TTYH1: variants seen among roughly 807,000 people sequenced by gnomAD.
The protein encoded by TTYH1 is tweety family member 1, also known as protein tweety homolog 1.
In TTYH1, 33 loss-of-function variants were observed where a neutral mutation model predicts 61.2. The observed-to-expected ratio is 0.54, with a 90% CI of 0.41 to 0.72. The LOEUF (loss-of-function observed/expected upper bound fraction) is 0.72. TTYH1 is among the 30% of genes least tolerant of loss of function. The pLI, the probability that TTYH1 is intolerant of heterozygous loss-of-function variation, is 0.00. For missense variants in TTYH1, 538 were observed against 575.8 expected, an observed-to-expected ratio of 0.93 and a Z score of 0.67; for synonymous variants, 308 against 266.4, an observed-to-expected ratio of 1.16 and a Z score of -1.52.
In TTYH1 at chr19:54,429,334, C is replaced by T. The variant is rs370239921; in HGVS notation, c.762C>T (p.Leu254=). 21 of 1,613,992 alleles carry T rather than the reference C, an allele frequency of 1.3e-5. No individual in the cohort carries two copies. The highest frequency in any genetic ancestry group is 2.2e-5 in the South Asian group (2 of 91,092). ...IVMTVMSLLV[L]VLSWGSMGLE... is the part of the protein sequence containing the mutation. ...TGACAGTCATGAGTCTCCTGGTTCT[C>T]GTCCTGAGCTGGGGCTCCATGGGCC... The change falls in exon 6 of 14, where the codon CTC becomes CTT. Residue 254 remains leucine (L), a synonymous_variant. Coordinates refer to ENST00000376530, the MANE Select transcript of TTYH1 (RefSeq NM_020659.4). The surrounding 1 kb of genome is among the most constrained non-coding windows in gnomAD (Gnocchi z 5.1).
chr19:54,431,576 G>A (rs1226026168), intron 10 of TTYH1: 3 of 261,364 alleles, frequency 1.1e-5, no homozygotes, highest in Admixed American at 5.0e-5. Context: ...AGACTGCCTG[G>A]GTTCCAGTCC....
At chr19:54,425,062 G>A (rs575573833) in intron 4 of TTYH1, among the ~76,000 whole-genome samples, 3 of 152,366 alleles carry the variant, frequency 2.0e-5, no homozygotes, top group South Asian at 2.1e-4. Context: ...GGTCACGGAA[G>A]AGAACCGTGG....
In TTYH1 at chr19:54,422,258, C is replaced by T. The variant is rs748608036; in HGVS notation, c.486C>T (p.Leu162=). 5.7e-6 allele frequency: 9 copies of T among 1,565,266 alleles called. No homozygotes were observed. Among genetic ancestry groups the T allele is most frequent in the East Asian group, 2.3e-5 (1 of 43,050 alleles). Residue 162 remains leucine, a synonymous_variant, in exon 4 of 14, where the codon CTC becomes CTT. Transcript: ENST00000376530. Reference sequence around the variant, plus strand: ...AGCTGACCACCCTGGAGGAGGTGCTCGAGCCGCGCACGGAGCTGGTGGCTG... The same window carrying T: ...AGCTGACCACCCTGGAGGAGGTGCTTGAGCCGCGCACGGAGCTGGTGGCTG... ...RTELTTLEEV[L]EPRTELVAAA... is the part of the protein sequence containing the mutation.
intron 4 of TTYH1, among the ~76,000 whole-genome samples, chr19:54,425,248 C>T (rs1476226321): frequency 6.6e-6 from 1 of 152,068 alleles, no homozygotes; most frequent in African/African-American, 2.4e-5. Context: ...TCTGCGACGG[C>T]GGCAAACAGC....
In TTYH1 at chr19:54,415,490, C is replaced by T. The variant is rs1161147249; in HGVS notation, c.-63C>T. The T allele has an allele frequency of 3.8e-6, 5 of 1,305,870 alleles. No individual in the cohort carries two copies. In the East Asian group the frequency reaches 1.6e-4, roughly 43 times the overall value. The allele number at this position is 1,305,870 out of a possible 1,614,324, so 80.9% of individuals were successfully genotyped here. ...GCCAGACCCCGCGCCGCCCGCGCCCCGCTCGACTCCGGAGGCTCCCGCAGC... is the reference window on the plus strand; with the variant it reads ...GCCAGACCCCGCGCCGCCCGCGCCCTGCTCGACTCCGGAGGCTCCCGCAGC... On this transcript the variant is annotated 5_prime_UTR_variant, in exon 1 of 14. Coordinates refer to ENST00000376530, the MANE Select transcript of TTYH1 (RefSeq NM_020659.4). The surrounding 1 kb of genome is among the most constrained non-coding windows in gnomAD (Gnocchi z 5.2).
Position 54,421,114 on chromosome 19 carries a change from G to C in TTYH1, c.306-163G>C, listed in dbSNP as rs903425594. On this transcript the variant is annotated intron_variant, in intron 2 of 13. Transcript: ENST00000376530. The surrounding 1 kb of genome is among the most constrained non-coding windows in gnomAD (Gnocchi z 4.8). ...CCCGTTCCCTTGGCAACCGACGGGG[G>C]CCAGGCTGAAGTCGCCCTTTTCCCA... is the stretch of plus-strand genomic sequence containing the variant. Among the ~76,000 whole-genome samples the C allele has an allele frequency of 6.6e-6, 1 of 152,034 alleles. No individual in the cohort carries two copies. Among genetic ancestry groups the C allele is most frequent in the Non-Finnish European group, 1.5e-5 (1 of 67,988 alleles).
rs914757448 is a variant in TTYH1, at chr19:54,436,372, C to A, written c.*82C>A. 16 of 1,614,070 alleles carry A rather than the reference C, an allele frequency of 9.9e-6. No homozygotes were observed. In the East Asian group the frequency reaches 3.1e-4, roughly 31 times the overall value. On this transcript the variant is annotated 3_prime_UTR_variant, in exon 14 of 14. Coordinates refer to ENST00000376530, the MANE Select transcript of TTYH1 (RefSeq NM_020659.4). The surrounding 1 kb of genome is among the most constrained non-coding windows in gnomAD (Gnocchi z 4.3). Reference sequence around the variant, plus strand: ...GCCGGAGGAGACCCCACTAACCCAGCCTGCCTGGGCTCTGACCACTAACAC... The same window carrying A: ...GCCGGAGGAGACCCCACTAACCCAGACTGCCTGGGCTCTGACCACTAACAC...
intron 4 of TTYH1, among the ~76,000 whole-genome samples, chr19:54,423,172 T>A (rs1291625566): frequency 6.6e-6 from 1 of 151,750 alleles, no homozygotes; most frequent in Non-Finnish European, 1.5e-5. Flanking sequence ...CGTTCATCCG[T>A]GTGACATGTG....
At chr19:54,428,096 T>G (rs1324359598) in intron 5 of TTYH1, among the ~76,000 whole-genome samples, 3 of 142,316 alleles carry the variant, frequency 2.1e-5, no homozygotes, top group African/African-American at 7.9e-5. Flanking sequence ...TTTTTTTTTT[T>G]TTTTTTTTTT....
chr19:54,430,540 C>A lies in TTYH1; in HGVS notation c.884-10C>A. 6.2e-7 allele frequency: 1 copy of A among 1,614,084 alleles called. No individual in the cohort carries two copies. On this transcript the variant is annotated splice_polypyrimidine_tract_variant and intron_variant, in intron 7 of 13. Transcript: ENST00000376530. ...TCATGGCCTCCTCCCCTCTCCTCCT[C>A]CCACTTCAGACATCCTGAGCTATTA...
intron 10 of TTYH1, among the ~76,000 whole-genome samples, chr19:54,435,302 A>G (rs2083520903): frequency 6.6e-6 from 1 of 152,110 alleles, no homozygotes; most frequent in African/African-American, 2.4e-5. Flanking sequence ...GGTGCAGCTC[A>G]GGAGAAGCCA....
chr19:54,427,915 TTC>T (rs2083361178), intron 5 of TTYH1, among the ~76,000 whole-genome samples: 1 of 151,952 alleles, frequency 6.6e-6, no homozygotes, highest in Admixed American at 6.6e-5. Flanking sequence ...TGTTTTTTAT[TTC>T]TGTTTTTTAT....
rs1226736564 is a variant in TTYH1 at position 54,419,526 on chromosome 19, T to C, written c.305+220T>C. 1 of 713,470 alleles carries C rather than the reference T, an allele frequency of 1.4e-6. No homozygotes were observed. The highest frequency in any genetic ancestry group is 2.5e-6 in the Non-Finnish European group (1 of 396,510). 44.2% of individuals were successfully genotyped at this position (713,470 alleles called of 1,614,324 possible). ...AGTGAGGCTCTGGAGAGGAAGTGAA[T>C]CAAGGGCAGCCATCTGGTGAGAAGG... On this transcript the variant is annotated intron_variant, in intron 2 of 13. Transcript: ENST00000376530. This position sits in a 1 kb window ranked among gnomAD's most constrained non-coding sequence, Gnocchi z 6.1.
chr19:54,430,065 C>A, intron 7 of TTYH1, 108 bp downstream of exon 7: 1 of 983,054 alleles, frequency 1.0e-6, no homozygotes, highest in South Asian at 1.5e-5. Context: ...GGGGTGCAGC[C>A]TGCCAGGCGA....
intron 10 of TTYH1, chr19:54,431,400 T>G: frequency 2.0e-6 from 1 of 505,778 alleles, no homozygotes; most frequent in South Asian, 2.7e-5. Flanking sequence ...CCATATTCCT[T>G]CCCTCCTCCC....
intron 4 of TTYH1, among the ~76,000 whole-genome samples, chr19:54,424,552 C>G (rs2083284752): frequency 6.6e-6 from 1 of 152,230 alleles, no homozygotes; most frequent in Admixed American, 6.5e-5. Flanking sequence ...GCATTGTGGT[C>G]AGGCCCAGGG....
In TTYH1 at chr19:54,416,091, G is replaced by A. The variant is rs80047288; in HGVS notation, c.126+413G>A. On this transcript the variant is annotated intron_variant, in intron 1 of 13. Coordinates refer to ENST00000376530, the MANE Select transcript of TTYH1 (RefSeq NM_020659.4). This position sits in a 1 kb window ranked among gnomAD's most constrained non-coding sequence, Gnocchi z 7.0. ...GGTGAATATGTCCCAGATAAGGTGG[G>A]ACCCAGGAGACAGCGGACCTGATAA... 2.9e-3 allele frequency: 3,797 copies of A among 1,304,008 alleles called. 101 individuals carry two copies. In the African/African-American group the frequency reaches 0.052, roughly 18 times the overall value. The allele number at this position is 1,304,008 out of a possible 1,614,324, so 80.8% of individuals were successfully genotyped here.
chr19:54,427,344 G>A (rs372441919), intron 5 of TTYH1, among the ~76,000 whole-genome samples: 113 of 126,956 alleles, frequency 8.9e-4, no homozygotes, highest in African/African-American at 3.2e-3. Context: ...GGTGGCTCAC[G>A]CCTGTAATTC....
At chr19:54,422,081 T>C in intron 3 of TTYH1, 109 bp from the exon 4 acceptor site, 1 of 865,402 alleles carries the variant, frequency 1.2e-6, no homozygotes. Flanking sequence ...ACTCCAGATC[T>C]CAGACACCCG....
Sources: gnomAD v4.1 joint callset for allele counts (sites outside exome capture counted in the v4.1 genomes callset) on GRCh38, gnomAD v4.1.1 for gene constraint, Gnocchi (gnomAD v3.1) non-coding constraint, MANE v1.5 for transcripts, NCBI Gene and HGNC (gene_info 2026-07-23, HGNC 2026-07-21) for gene names.